Variants in MAGI2 observed in about 807,000 individuals in gnomAD.
MAGI2 encodes the protein membrane-associated guanylate kinase, WW and PDZ domain-containing protein 2.
Under a neutral mutation model 133.3 loss-of-function variants are expected in MAGI2, and 35 were observed. That is an observed-to-expected ratio of 0.26 (90% CI 0.20 to 0.35). MAGI2 has a LOEUF of 0.35. MAGI2 is among the 10% of genes least tolerant of loss of function. The pLI is 1.00. For missense variants in MAGI2, 1,636 were observed against 1,863.4 expected (o/e 0.88, Z 2.25); for synonymous variants, 729 against 710.6 (o/e 1.03, Z -0.41).
intron 2 of MAGI2, among the ~76,000 whole-genome samples, chr7:78,683,269 G>A (rs1375973228): frequency 1.3e-5 from 2 of 152,110 alleles, no homozygotes; most frequent in African/African-American, 2.4e-5. Flanking sequence ...AGGCTATTGC[G>A]ATAGTGCTAC....
chr7:78,287,422 TA>T (rs1796254216), intron 9 of MAGI2, among the ~76,000 whole-genome samples: 2 of 152,256 alleles, frequency 1.3e-5, no homozygotes, highest in South Asian at 4.1e-4. Context: ...TGATATGTAG[TA>T]GGAAATACTG....
intron 2 of MAGI2, among the ~76,000 whole-genome samples, chr7:78,732,429 T>C (rs758190299): frequency 3.3e-5 from 5 of 152,164 alleles, no homozygotes; most frequent in Non-Finnish European, 7.4e-5. Flanking sequence ...CCTTTTGTGA[T>C]GGGTCTCCTC....
chr7:78,636,351 CTTTTTTT>C (rs34984460), intron 2 of MAGI2, among the ~76,000 whole-genome samples: 1 of 129,224 alleles, frequency 7.7e-6, no homozygotes, highest in Non-Finnish European at 1.6e-5. Context: ...CAAAAACAGG[CTTTTTTT>C]TTTTTTTTTT....
At chr7:79,093,693 T>A (rs1817271429) in intron 1 of MAGI2, among the ~76,000 whole-genome samples, 1 of 147,764 alleles carries the variant, frequency 6.8e-6, no homozygotes, top group Non-Finnish European at 1.5e-5. Context: ...TTTCTCTTTC[T>A]CTTTCTTTTT....
chr7:78,253,263 A>G (rs1792613268), intron 10 of MAGI2: 1 of 152,194 alleles, frequency 6.6e-6, no homozygotes, highest in African/African-American at 2.4e-5. Flanking sequence ...CTTAAACCTC[A>G]CCGACATAGG....
chr7:79,179,591 A>T (rs960532724), intron 1 of MAGI2, among the ~76,000 whole-genome samples: 4 of 152,038 alleles, frequency 2.6e-5, no homozygotes, highest in African/African-American at 9.7e-5. Flanking sequence ...GGACCAATGG[A>T]ACAGAATAGA....
intron 1 of MAGI2, among the ~76,000 whole-genome samples, chr7:79,102,168 G>A (rs1310468652): frequency 6.6e-6 from 1 of 151,948 alleles, no homozygotes; most frequent in Non-Finnish European, 1.5e-5. Context: ...TGTGCAGAAC[G>A]TACAGGTTTG....
At chr7:78,697,674 C>A (rs1272885793) in intron 2 of MAGI2, among the ~76,000 whole-genome samples, 1 of 152,044 alleles carries the variant, frequency 6.6e-6, no homozygotes, top group Non-Finnish European at 1.5e-5. Flanking sequence ...TCTTTTTTAA[C>A]CTCACTGTAA....
chr7:78,592,959 C>T (rs1402080501), intron 3 of MAGI2, among the ~76,000 whole-genome samples: 1 of 148,918 alleles, frequency 6.7e-6, no homozygotes, highest in Admixed American at 6.8e-5. Context: ...CTCAGCCTTG[C>T]GAGTAGCTGG....
intron 2 of MAGI2, among the ~76,000 whole-genome samples, chr7:78,905,177 A>G (rs879528278): frequency 2.6e-5 from 4 of 152,164 alleles, no homozygotes; most frequent in Non-Finnish European, 5.9e-5. Flanking sequence ...TGAATATTCC[A>G]TGGTAACTAC....
intron 1 of MAGI2, among the ~76,000 whole-genome samples, chr7:79,304,528 C>T (rs1837638345): frequency 6.6e-6 from 1 of 152,072 alleles, no homozygotes; most frequent in African/African-American, 2.4e-5. Context: ...TAGCATTTTA[C>T]TCTTTATACT....
chr7:78,478,371 GAC>G (rs1044936064), intron 6 of MAGI2, among the ~76,000 whole-genome samples: 2 of 151,726 alleles, frequency 1.3e-5, no homozygotes, highest in African/African-American at 4.8e-5. Flanking sequence ...TTAAATGGTG[GAC>G]ACACATTGAT....
At chr7:79,183,490 TAGAGA>T (rs1826797852) in intron 1 of MAGI2, among the ~76,000 whole-genome samples, 1 of 151,908 alleles carries the variant, frequency 6.6e-6, no homozygotes, top group South Asian at 2.1e-4. Flanking sequence ...TTACTGACTT[TAGAGA>T]AATTTTTCAA....
chr7:78,567,156 A>G (rs1419252847), intron 3 of MAGI2, among the ~76,000 whole-genome samples: 1 of 152,198 alleles, frequency 6.6e-6, no homozygotes, highest in Non-Finnish European at 1.5e-5. Flanking sequence ...GAAAAAGTAA[A>G]TTCATAGTTG....
At chr7:78,253,906 T>A (rs1016448472) in intron 10 of MAGI2, 1 of 152,194 alleles carries the variant, frequency 6.6e-6, no homozygotes, top group African/African-American at 2.4e-5. Context: ...CATAATAAGA[T>A]AAAGTGAATT....
chr7:78,527,623 A>G (rs1480957787), intron 3 of MAGI2, among the ~76,000 whole-genome samples: 1 of 152,254 alleles, frequency 6.6e-6, no homozygotes, highest in African/African-American at 2.4e-5. Context: ...GAAATAGGAA[A>G]GACACTGAAA....
chr7:79,191,681 T>C (rs1827689709), intron 1 of MAGI2, among the ~76,000 whole-genome samples: 1 of 151,822 alleles, frequency 6.6e-6, no homozygotes, highest in Admixed American at 6.6e-5. Context: ...TTTAAATTCT[T>C]ATGTTTTAGG....
intron 1 of MAGI2, among the ~76,000 whole-genome samples, chr7:79,237,091 T>A (rs1831980235): frequency 6.6e-6 from 1 of 152,264 alleles, no homozygotes; most frequent in African/African-American, 2.4e-5. Flanking sequence ...TTTGTACCTT[T>A]AAATAGTATG....
intron 2 of MAGI2, among the ~76,000 whole-genome samples, chr7:78,962,538 C>T (rs575214119): frequency 6.8e-6 from 1 of 147,608 alleles, no homozygotes; most frequent in African/African-American, 2.5e-5. Flanking sequence ...CAGATAGGTA[C>T]ATGCTGTGCT....
Sources: gnomAD v4.1 joint callset for allele counts (sites outside exome capture counted in the v4.1 genomes callset) on GRCh38, gnomAD v4.1.1 for gene constraint, MANE v1.5 for transcripts, NCBI Gene and HGNC (gene_info 2026-07-23, HGNC 2026-07-21) for gene names.